GAREM1: variants seen among roughly 807,000 people sequenced by gnomAD.
The protein encoded by GAREM1 is GRB2-associated and regulator of MAPK protein 1.
Under a neutral mutation model 71.3 loss-of-function variants are expected in GAREM1, and 26 were observed. The ratio of observed to expected loss-of-function variants is 0.36; its 90% CI spans 0.27 to 0.51. The LOEUF is 0.51. Ranked by LOEUF, GAREM1 falls within the 20% of genes least tolerant of loss-of-function variation. The probability of loss-of-function intolerance (pLI) is 0.95; values close to 1 mark genes in which losing one functional copy is unlikely to be tolerated. For missense variants in GAREM1, 1,026 were observed against 1,103.1 expected (o/e 0.93, Z 0.99); for synonymous variants, 440 against 433.2 (o/e 1.02, Z -0.20).
chr18:32,424,199 T>C (rs1285328452), intron 1 of GAREM1, among the ~76,000 whole-genome samples: 1 of 152,080 alleles, frequency 6.6e-6, no homozygotes, highest in African/African-American at 2.4e-5. Flanking sequence ...TGCTAAAATC[T>C]ATGATGAATT....
chr18:32,269,853 G>A (rs1482762534), intron 5 of GAREM1, among the ~76,000 whole-genome samples: 2 of 152,098 alleles, frequency 1.3e-5, no homozygotes, highest in Non-Finnish European at 2.9e-5. Context: ...TTAGGTCCTG[G>A]TCGAAGGTGT....
At chr18:32,332,094 G>A (rs555974479) in intron 2 of GAREM1, among the ~76,000 whole-genome samples, 13 of 151,422 alleles carry the variant, frequency 8.6e-5, no homozygotes, top group Non-Finnish European at 1.5e-4. Flanking sequence ...GGGGACTTGC[G>A]TCCTCTTCCT....
chr18:32,430,004 G>T (rs2048608744), intron 1 of GAREM1, among the ~76,000 whole-genome samples: 1 of 152,184 alleles, frequency 6.6e-6, no homozygotes. Context: ...TGAAGGACAT[G>T]ATATAACAAT....
At chr18:32,331,515 A>G (rs574162509) in intron 2 of GAREM1, 56 of 152,372 alleles carry the variant, frequency 3.7e-4, no homozygotes, top group Admixed American at 1.3e-3. Context: ...ATAAGAAAAT[A>G]AGGCAACACA....
At chr18:32,382,297 A>C (rs2144643286) in intron 2 of GAREM1, among the ~76,000 whole-genome samples, 1 of 152,264 alleles carries the variant, frequency 6.6e-6, no homozygotes, top group East Asian at 1.9e-4. Context: ...CTGGTGAGAA[A>C]GATTAGGAAA....
At chr18:32,436,150 T>TA (rs954734489) in intron 1 of GAREM1, among the ~76,000 whole-genome samples, 48 of 152,140 alleles carry the variant, frequency 3.2e-4, no homozygotes, top group African/African-American at 1.1e-3. Flanking sequence ...ATTAAGTTGT[T>TA]AAAAGATAAA....
intron 1 of GAREM1, among the ~76,000 whole-genome samples, chr18:32,456,330 T>C (rs1019471842): frequency 6.6e-6 from 1 of 152,022 alleles, no homozygotes; most frequent in African/African-American, 2.4e-5. Flanking sequence ...TGAACATATA[T>C]ATAAAAAGAG....
At chr18:32,454,157 G>C (rs1439844952) in intron 1 of GAREM1, among the ~76,000 whole-genome samples, 2 of 151,922 alleles carry the variant, frequency 1.3e-5, no homozygotes, top group African/African-American at 4.8e-5. Context: ...TTTCAGTTTA[G>C]ATTATCTCCC....
chr18:32,279,541 C>T (rs565097455), intron 4 of GAREM1, among the ~76,000 whole-genome samples: 1 of 152,316 alleles, frequency 6.6e-6, no homozygotes, highest in East Asian at 1.9e-4. Flanking sequence ...TGTCTCCCAT[C>T]ACCCCCAGAT....
intron 2 of GAREM1, among the ~76,000 whole-genome samples, chr18:32,379,314 T>C (rs186365363): frequency 2.0e-4 from 30 of 152,102 alleles, no homozygotes; most frequent in African/African-American, 6.3e-4. Flanking sequence ...AATATCTGAA[T>C]AGATCCACGG....
intron 3 of GAREM1, among the ~76,000 whole-genome samples, chr18:32,288,634 AT>A (rs2047051105): frequency 6.6e-6 from 1 of 151,866 alleles, no homozygotes; most frequent in South Asian, 2.1e-4. Flanking sequence ...GTATTTCTCA[AT>A]TTTTTAAAAA....
chr18:32,333,255 G>A (rs1456932569), intron 2 of GAREM1, among the ~76,000 whole-genome samples: 1 of 151,794 alleles, frequency 6.6e-6, no homozygotes, highest in Non-Finnish European at 1.5e-5. Context: ...GAGAGGGGGA[G>A]GGGGAACAGG....
chr18:32,380,681 G>A (rs1431270388), intron 2 of GAREM1, among the ~76,000 whole-genome samples: 1 of 152,044 alleles, frequency 6.6e-6, no homozygotes, highest in Admixed American at 6.6e-5. Context: ...GCTGTCCTGT[G>A]CAGTGCAGGA....
In GAREM1 at chr18:32,442,714, T is replaced by A. The variant is rs191824009; in HGVS notation, c.121+27594A>T. 1.6e-3 allele frequency among the ~76,000 whole-genome samples: 250 copies of A among 152,286 alleles called. 2 individuals are homozygous for A. The highest frequency in any genetic ancestry group is 5.8e-3 in the African/African-American group (241 of 41,568). ...CTGCATGTCTTAAGCTTTTGCCCTC[T>A]ACTCAGTAGCTTTGTTCATTGTGCA... On this transcript the variant is annotated intron_variant, in intron 1 of 5. Coordinates refer to ENST00000269209, the MANE Select transcript of GAREM1 (RefSeq NM_001242409.2).
At chr18:32,284,248 A>C (rs2046985332) in intron 4 of GAREM1, among the ~76,000 whole-genome samples, 1 of 152,236 alleles carries the variant, frequency 6.6e-6, no homozygotes, top group African/African-American at 2.4e-5. Flanking sequence ...AAAACAAATT[A>C]AATGATTTCA....
chr18:32,354,408 G>C (rs956677916), intron 2 of GAREM1, among the ~76,000 whole-genome samples: 1 of 152,164 alleles, frequency 6.6e-6, no homozygotes, highest in East Asian at 1.9e-4. Flanking sequence ...CATGTTAAGA[G>C]AAAGGGGAGA....
intron 3 of GAREM1, among the ~76,000 whole-genome samples, chr18:32,290,642 G>GAAAAAAAAAAAAAAAAAAAA (rs586596): frequency 1.3e-5 from 1 of 75,598 alleles, no homozygotes; most frequent in African/African-American, 4.2e-5. Context: ...CAGACTGTCT[G>GAAAAAAAAAAAAAAAAAAAA]AAAAAAAAAA....
chr18:32,279,268 T>C (rs1022758424), intron 4 of GAREM1, among the ~76,000 whole-genome samples: 8 of 152,222 alleles, frequency 5.3e-5, no homozygotes, highest in East Asian at 1.9e-4. Context: ...TACTGGTCTG[T>C]AGCCTGACAG....
At chr18:32,309,643 A>AAAAAAAT (rs2047294008) in intron 3 of GAREM1, among the ~76,000 whole-genome samples, 3 of 149,074 alleles carry the variant, frequency 2.0e-5, no homozygotes, top group Non-Finnish European at 3.0e-5. Context: ...AAAAAAAAAA[A>AAAAAAAT]GAATGCAGAA....
Sources: gnomAD v4.1 joint callset for allele counts (sites outside exome capture counted in the v4.1 genomes callset) on GRCh38, gnomAD v4.1.1 for gene constraint, MANE v1.5 for transcripts, NCBI Gene and HGNC (gene_info 2026-07-23, HGNC 2026-07-21) for gene names.